The following HS6ST3 variants were observed in gnomAD, a reference collection of about 807,000 sequenced individuals.
HS6ST3 encodes heparan-sulfate 6-O-sulfotransferase 3.
Under a neutral mutation model 36.7 loss-of-function variants are expected in HS6ST3, and 12 were observed. The ratio of observed to expected loss-of-function variants is 0.33; its 90% CI spans 0.21 to 0.53. The LOEUF is 0.53. Ranked by LOEUF, HS6ST3 falls within the 20% of genes least tolerant of loss-of-function variation. The pLI is 0.95. For missense variants in HS6ST3, 584 were observed against 640.9 expected (o/e 0.91, Z 0.96); for synonymous variants, 240 against 257.5 (o/e 0.93, Z 0.65).
Position 96,317,364 on chromosome 13 carries a change from A to AAT in HS6ST3, c.707+225795_707+225796insAT, listed in dbSNP as rs2054979225. On this transcript the variant is annotated intron_variant, in intron 1 of 1. Coordinates refer to ENST00000376705, the MANE Select transcript of HS6ST3 (RefSeq NM_153456.4). ...TATATATATATATATATATATATAT[A>AAT]TATAAAATTATATATATATATATAT... Among the ~76,000 whole-genome samples, 5 of 19,336 alleles carry AAT rather than the reference A, an allele frequency of 2.6e-4. No homozygotes were observed. The East Asian group carries it at 7.3e-3, about 28-fold the overall frequency. 12.7% of individuals were successfully genotyped at this position (19,336 alleles called of 152,430 possible).
At chr13:96,559,512 T>A (rs1474144939) in intron 1 of HS6ST3, among the ~76,000 whole-genome samples, 1 of 152,172 alleles carries the variant, frequency 6.6e-6, no homozygotes, top group Admixed American at 6.5e-5. Flanking sequence ...TAGCTGGTAT[T>A]TGGAGATTCC....
intron 1 of HS6ST3, among the ~76,000 whole-genome samples, chr13:96,646,965 A>C (rs1294762210): frequency 6.6e-6 from 1 of 152,016 alleles, no homozygotes; most frequent in Non-Finnish European, 1.5e-5. Context: ...CAATTTGAGA[A>C]GACATTTAGC....
chr13:96,800,130 C>CAT (rs943704471), intron 1 of HS6ST3, among the ~76,000 whole-genome samples: 1 of 149,558 alleles, frequency 6.7e-6, no homozygotes, highest in Non-Finnish European at 1.5e-5. Flanking sequence ...TTGTTGTTCT[C>CAT]ATATAATTTG....
chr13:96,118,934 T>TCTC (rs1392324018), intron 1 of HS6ST3, among the ~76,000 whole-genome samples: 1 of 150,236 alleles, frequency 6.7e-6, no homozygotes, highest in Non-Finnish European at 1.5e-5. Flanking sequence ...ATGGTCTTGA[T>TCTC]CTCCTGACCT....
intron 1 of HS6ST3, among the ~76,000 whole-genome samples, chr13:96,583,204 C>CTTTTTTTTATTTTTTTTTTTTTTTTTTT (rs2056348279): frequency 1.9e-5 from 1 of 52,922 alleles, no homozygotes; most frequent in Non-Finnish European, 3.1e-5. Flanking sequence ...TTTTTCTTTT[C>CTTTTTTTTATTTTTTTTTTTTTTTTTTT]TTTTTTTTTT....
At chr13:96,466,965 A>C (rs916260476) in intron 1 of HS6ST3, among the ~76,000 whole-genome samples, 1 of 152,206 alleles carries the variant, frequency 6.6e-6, no homozygotes, top group Non-Finnish European at 1.5e-5. Context: ...TTAGTGTTAA[A>C]AGTTAGAAAA....
At chr13:96,670,694 A>G (rs564259096) in intron 1 of HS6ST3, among the ~76,000 whole-genome samples, 18 of 152,284 alleles carry the variant, frequency 1.2e-4, no homozygotes, top group African/African-American at 4.3e-4. Flanking sequence ...AAAATATTGA[A>G]CTGTTCTTTT....
chr13:96,430,286 G>A (rs1049200988), intron 1 of HS6ST3, among the ~76,000 whole-genome samples: 6 of 152,096 alleles, frequency 3.9e-5, no homozygotes, highest in African/African-American at 1.4e-4. Context: ...CCAGTTTGGG[G>A]AATACAAATG....
In HS6ST3 at chr13:96,369,658, G is replaced by A. The variant is rs541169999; in HGVS notation, c.707+278089G>A. On this transcript the variant is annotated intron_variant, in intron 1 of 1. Transcript: ENST00000376705. ...CACAACAAGACTGATGAGCACAAGG[G>A]TGAGGATGGTAGACACCTCTTCAGG... 1.9e-4 allele frequency among the ~76,000 whole-genome samples: 29 copies of A among 152,282 alleles called. No individual in the cohort carries two copies. The South Asian group carries it at 5.8e-3, about 31-fold the overall frequency.
chr13:96,752,374 AG>A (rs746713220), intron 1 of HS6ST3, among the ~76,000 whole-genome samples: 4 of 152,186 alleles, frequency 2.6e-5, no homozygotes, highest in Non-Finnish European at 5.9e-5. Context: ...CAGGTGTACA[AG>A]GTAACGTCAA....
intron 1 of HS6ST3, among the ~76,000 whole-genome samples, chr13:96,115,357 G>A (rs1026537497): frequency 2.6e-5 from 4 of 152,122 alleles, no homozygotes; most frequent in African/African-American, 9.7e-5. Context: ...TACCATGGTG[G>A]TTTGCTGCAC....
intron 1 of HS6ST3, among the ~76,000 whole-genome samples, chr13:96,506,231 C>T (rs182233780): frequency 6.6e-6 from 1 of 152,200 alleles, no homozygotes; most frequent in Admixed American, 6.5e-5. Context: ...AACTTTTCTT[C>T]CAAAAACTCT....
intron 1 of HS6ST3, among the ~76,000 whole-genome samples, chr13:96,505,120 G>A (rs976066567): frequency 1.3e-5 from 2 of 152,120 alleles, no homozygotes; most frequent in African/African-American, 4.8e-5. Context: ...TCCCAAAGCA[G>A]CTGAAAATAG....
chr13:96,760,375 A>G (rs1011550575), intron 1 of HS6ST3, among the ~76,000 whole-genome samples: 4 of 152,016 alleles, frequency 2.6e-5, no homozygotes, highest in Admixed American at 6.6e-5. Context: ...ACTCCCTGCT[A>G]TGAGAGTTGA....
chr13:96,189,904 G>A (rs1279421315), intron 1 of HS6ST3, among the ~76,000 whole-genome samples: 1 of 152,194 alleles, frequency 6.6e-6, no homozygotes, highest in African/African-American at 2.4e-5. Context: ...ACAGGGTGGA[G>A]GTAGGGCAGG....
chr13:96,397,513 C>T (rs2055428253), intron 1 of HS6ST3, among the ~76,000 whole-genome samples: 1 of 152,068 alleles, frequency 6.6e-6, no homozygotes, highest in African/African-American at 2.4e-5. Context: ...GTTAAAAAAA[C>T]TCTTACATTT....
intron 1 of HS6ST3, among the ~76,000 whole-genome samples, chr13:96,735,877 T>C (rs549379463): frequency 6.6e-6 from 1 of 152,322 alleles, no homozygotes; most frequent in East Asian, 1.9e-4. Context: ...TGTGGAATAC[T>C]ATGCAGTCAT....
intron 1 of HS6ST3, among the ~76,000 whole-genome samples, chr13:96,393,544 A>G (rs1028447374): frequency 4.6e-5 from 7 of 152,234 alleles, no homozygotes; most frequent in African/African-American, 1.4e-4. Flanking sequence ...TATTTTTGGC[A>G]GTACTTGGAG....
chr13:96,732,875 A>T (rs1179500343), intron 1 of HS6ST3, among the ~76,000 whole-genome samples: 6 of 152,048 alleles, frequency 3.9e-5, no homozygotes, highest in Admixed American at 2.0e-4. Flanking sequence ...TGTTAAATTT[A>T]TTCCGAAGTA....
Sources: gnomAD v4.1 joint callset for allele counts (sites outside exome capture counted in the v4.1 genomes callset) on GRCh38, gnomAD v4.1.1 for gene constraint, MANE v1.5 for transcripts, NCBI Gene and HGNC (gene_info 2026-07-23, HGNC 2026-07-21) for gene names.